Variants in ACOT11 observed in about 807,000 individuals in gnomAD.
ACOT11 encodes the protein acyl-CoA thioesterase 11.
ACOT11 carries 69 observed loss-of-function variants against 77.5 expected under a neutral mutation model. The ratio of observed to expected loss-of-function variants is 0.89; its 90% CI spans 0.73 to 1.09. The LOEUF (loss-of-function observed/expected upper bound fraction) is 1.09, where lower values mean the gene tolerates loss of function less well. Among genes scored for constraint, ACOT11 ranks in the 50% least tolerant of loss-of-function variants. The pLI is 0.00. For synonymous variants in ACOT11, 279 were observed against 313.0 expected, an observed-to-expected ratio of 0.89 and a Z score of 1.15; for missense variants, 766 against 813.7, an observed-to-expected ratio of 0.94 and a Z score of 0.71.
At chr1:54,553,173 T>C (rs1161979145) in intron 1 of ACOT11, among the ~76,000 whole-genome samples, 1 of 152,076 alleles carries the variant, frequency 6.6e-6, no homozygotes, top group Non-Finnish European at 1.5e-5. Context: ...TCTCCAAAAT[T>C]TTATTTTAAT....
chr1:54,583,421 AC>A (rs1449222048), intron 1 of ACOT11, among the ~76,000 whole-genome samples: 1 of 152,148 alleles, frequency 6.6e-6, no homozygotes, highest in East Asian at 1.9e-4. Context: ...AGGAGTATAC[AC>A]CAGGTGCAAG....
At chr1:54,576,491 T>TAAAA (rs71581820) in intron 1 of ACOT11, among the ~76,000 whole-genome samples, 8 of 68,352 alleles carry the variant, frequency 1.2e-4, no homozygotes, top group Admixed American at 1.7e-4. Context: ...GAGCAAGATC[T>TAAAA]AAAAAAAAAA....
chr1:54,575,025 A>G (rs1311974970), intron 1 of ACOT11, among the ~76,000 whole-genome samples: 1 of 152,150 alleles, frequency 6.6e-6, no homozygotes, highest in Non-Finnish European at 1.5e-5. Flanking sequence ...TAACTTGCCC[A>G]AAGTCTGCCT....
At chr1:54,619,656 CAT>C (rs746531946) in intron 15 of ACOT11, among the ~76,000 whole-genome samples, 1 of 152,182 alleles carries the variant, frequency 6.6e-6, no homozygotes, top group Non-Finnish European at 1.5e-5. Context: ...TGGAGTCAGA[CAT>C]GTGGTTTAAA....
intron 13 of ACOT11, among the ~76,000 whole-genome samples, chr1:54,605,612 G>C (rs890784700): frequency 1.3e-5 from 2 of 152,144 alleles, no homozygotes; most frequent in Non-Finnish European, 2.9e-5. Flanking sequence ...CGGAACTGCT[G>C]GGGGTGGAGT....
Position 54,607,828 on chromosome 1 carries a change from CT to C in ACOT11, c.1503-113del, listed in dbSNP as rs1336878853. Reference sequence around the variant, plus strand: ...AAGAGTCGATGTGCCTTGCATCCCCCTGGTGAGGAATCTGTGCTAGAGGGGG... The same window carrying C: ...AAGAGTCGATGTGCCTTGCATCCCCCGGTGAGGAATCTGTGCTAGAGGGGG... On this transcript the variant is annotated intron_variant, in intron 14 of 15. Coordinates refer to ENST00000343744, the MANE Select transcript of ACOT11 (RefSeq NM_147161.4). This position sits in a 1 kb window ranked among gnomAD's most constrained non-coding sequence, Gnocchi z 4.5. 2.9e-6 allele frequency: 4 copies of C among 1,402,164 alleles called. No homozygotes were observed. Among genetic ancestry groups the C allele is most frequent in the African/African-American group, 2.9e-5 (2 of 69,470 alleles). 86.9% of individuals were successfully genotyped at this position (1,402,164 alleles called of 1,614,324 possible).
chr1:54,599,459 G>A, intron 8 of ACOT11, 44 bp downstream of exon 8: 1 of 1,522,882 alleles, frequency 6.6e-7, no homozygotes, highest in Middle Eastern at 2.4e-4. Flanking sequence ...TCAGGGCTGA[G>A]GGCTCTTCCT....
At chr1:54,638,667 GT>G (rs201969576) in exon 17 of ACOT11, 3 of 151,098 alleles carry the variant, frequency 2.0e-5, no homozygotes, top group South Asian at 2.1e-4. Flanking sequence ...CAGTCCCTGT[GT>G]TTTTTTTTGT....
chr1:54,613,503 GTCTCAAAC>G (rs1331008648), downstream of ACOT11, among the ~76,000 whole-genome samples: 4 of 151,532 alleles, frequency 2.6e-5, no homozygotes, highest in Non-Finnish European at 4.4e-5. Flanking sequence ...GCCCAGGCTG[GTCTCAAAC>G]TCCTGAGTTC....
chr1:54,594,745 C>T, intron 6 of ACOT11, 54 bp downstream of exon 6: 6 of 1,563,232 alleles, frequency 3.8e-6, no homozygotes, highest in South Asian at 1.2e-5. Context: ...TGCATGGCCC[C>T]TCTGCCCCGG....
chr1:54,615,312 G>A (rs1278930555), downstream of ACOT11, among the ~76,000 whole-genome samples: 1 of 152,172 alleles, frequency 6.6e-6, no homozygotes, highest in Non-Finnish European at 1.5e-5. Context: ...TCAGGGTGGT[G>A]AGGAGATGAG....
At chr1:54,585,383 GC>G (rs1350100401) in intron 2 of ACOT11, among the ~76,000 whole-genome samples, 2 of 152,200 alleles carry the variant, frequency 1.3e-5, no homozygotes, top group Non-Finnish European at 2.9e-5. Flanking sequence ...TGCCTGAGGG[GC>G]TAAGGCACCT....
At chr1:54,562,148 A>T (rs1569652599) in intron 1 of ACOT11, among the ~76,000 whole-genome samples, 1 of 49,092 alleles carries the variant, frequency 2.0e-5, no homozygotes, top group East Asian at 6.1e-4. Flanking sequence ...GGGGCTCCTC[A>T]CTTCCCAGTA....
At chr1:54,617,436 T>C (rs978560602) in intron 15 of ACOT11, among the ~76,000 whole-genome samples, 2 of 148,608 alleles carry the variant, frequency 1.3e-5, no homozygotes, top group Non-Finnish European at 3.0e-5. Context: ...GTCCTAAATA[T>C]GTACCTGATC....
intron 16 of ACOT11, among the ~76,000 whole-genome samples, chr1:54,633,081 C>T (rs1644310395): frequency 6.6e-6 from 1 of 152,136 alleles, no homozygotes; most frequent in Non-Finnish European, 1.5e-5. Context: ...AGAACCACTT[C>T]AAGCGGAAAA....
At chr1:54,613,997 TTCTCA>T (rs1440922860), downstream of ACOT11, among the ~76,000 whole-genome samples, 1 of 152,234 alleles carries the variant, frequency 6.6e-6, no homozygotes, top group African/African-American at 2.4e-5. Flanking sequence ...ACCTACCTCA[TTCTCA>T]TAAGAGTTAA....
intron 15 of ACOT11, among the ~76,000 whole-genome samples, chr1:54,629,459 T>A (rs1644288607): frequency 7.6e-6 from 1 of 132,268 alleles, no homozygotes; most frequent in Non-Finnish European, 1.7e-5. Context: ...GCTAATTTTT[T>A]GTATTTTTAG....
intron 1 of ACOT11, among the ~76,000 whole-genome samples, chr1:54,549,312 T>C (rs1332670824): frequency 6.6e-6 from 1 of 152,190 alleles, no homozygotes; most frequent in African/African-American, 2.4e-5. Flanking sequence ...CGAAGGGATG[T>C]TGGCACTCTG....
rs1569766845 is a variant in ACOT11, at chr1:54,607,035, G to A, written c.1371-99G>A. On this transcript the variant is annotated intron_variant, in intron 13 of 15. Transcript: ENST00000343744. This position sits in a 1 kb window ranked among gnomAD's most constrained non-coding sequence, Gnocchi z 4.5. Reference sequence around the variant, plus strand: ...CAGGGGGTGACATCCCATCACAGAAGCTGCTCAGGCACTGCAGTGTGGCAG... The same window carrying A: ...CAGGGGGTGACATCCCATCACAGAAACTGCTCAGGCACTGCAGTGTGGCAG... The A allele has an allele frequency of 6.6e-7, 1 of 1,521,738 alleles. No individual in the cohort carries two copies. Among genetic ancestry groups the A allele is most frequent in the East Asian group, 2.3e-5 (1 of 43,256 alleles). 94.3% of individuals were successfully genotyped at this position (1,521,738 alleles called of 1,614,324 possible).
Sources: allele counts gnomAD v4.1 joint callset (sites outside exome capture counted in the v4.1 genomes callset), GRCh38; gene constraint gnomAD v4.1.1; non-coding constraint Gnocchi (gnomAD v3.1); transcripts MANE v1.5; gene names NCBI Gene and HGNC (gene_info 2026-07-23, HGNC 2026-07-21).